Variants in SHROOM2 observed in about 807,000 individuals in gnomAD.
SHROOM2 encodes protein Shroom2.
Under a neutral mutation model 75.9 loss-of-function variants are expected in SHROOM2, and 33 were observed. That is an observed-to-expected ratio of 0.43 (90% confidence interval 0.33 to 0.58). SHROOM2 has a LOEUF of 0.58. Ranked by LOEUF, SHROOM2 falls within the 20% of genes least tolerant of loss-of-function variation. SHROOM2 has a pLI of 0.04. For synonymous variants in SHROOM2, 655 were observed against 663.6 expected (o/e 0.99, Z 0.20); for missense variants, 1,434 against 1,461.2 (o/e 0.98, Z 0.30).
At chrX:9,921,529 A>C (rs1288242457) in intron 5 of SHROOM2, among the ~76,000 whole-genome samples, 3 of 103,682 alleles carry the variant, frequency 2.9e-5, no homozygotes, top group Non-Finnish European at 5.9e-5. Flanking sequence ...CAGAATTATT[A>C]ACTACAGACG....
chrX:9,796,700 G>A (rs960291090), intron 1 of SHROOM2, among the ~76,000 whole-genome samples: 13 of 110,403 alleles, frequency 1.2e-4, no homozygotes, highest in Admixed American at 6.8e-4. Flanking sequence ...GCTGGAGTGC[G>A]GTGGTGTGAT....
At chrX:9,903,881 C>T (rs2084377656) in intron 5 of SHROOM2, among the ~76,000 whole-genome samples, 1 of 111,185 alleles carries the variant, frequency 9.0e-6, no homozygotes, top group Non-Finnish European at 1.9e-5. Flanking sequence ...ACAATTTCCC[C>T]TTACATTTAT....
chrX:9,944,552 T>C, intron 8 of SHROOM2, 89 bp from the exon 9 acceptor site: 4 of 968,954 alleles, frequency 4.1e-6, no homozygotes, highest in Non-Finnish European at 5.6e-6. Context: ...TTCACGTAGG[T>C]GCGCCAAGGT....
At chrX:9,788,751 T>C (rs753854543) in intron 1 of SHROOM2, among the ~76,000 whole-genome samples, 15 of 110,482 alleles carry the variant, frequency 1.4e-4, no homozygotes, top group African/African-American at 3.6e-4. Flanking sequence ...AGCCTTGGCA[T>C]TGGGGACTTT....
intron 2 of SHROOM2, among the ~76,000 whole-genome samples, chrX:9,887,252 T>G (rs1025269526): frequency 6.2e-5 from 7 of 112,798 alleles, no homozygotes; most frequent in African/African-American, 2.3e-4. Flanking sequence ...TACTTGGATT[T>G]AAGGAATCGG....
chrX:9,928,557 G>T (rs1334300526), intron 5 of SHROOM2, among the ~76,000 whole-genome samples: 6 of 111,442 alleles, frequency 5.4e-5, no homozygotes, highest in Non-Finnish European at 1.1e-4. Flanking sequence ...CTACACACAG[G>T]CACAACAGAG....
At chrX:9,875,252 G>A (rs1321470409) in intron 2 of SHROOM2, among the ~76,000 whole-genome samples, 1 of 108,535 alleles carries the variant, frequency 9.2e-6, no homozygotes, top group Admixed American at 1.0e-4. Context: ...TGAGCCATTG[G>A]GGAGGGTGGG....
intron 1 of SHROOM2, among the ~76,000 whole-genome samples, chrX:9,792,002 AAT>A: frequency 0.013 from 1 of 80 alleles, no homozygotes; most frequent in African/African-American, 0.028. Flanking sequence ...AATAGAATAG[AAT>A]AGAATAGAAT....
chrX:9,859,598 G>A (rs1325025840), intron 1 of SHROOM2, among the ~76,000 whole-genome samples: 1 of 111,644 alleles, frequency 9.0e-6, no homozygotes, highest in Non-Finnish European at 1.9e-5. Context: ...GGCGAGCTGG[G>A]CAGAGTGTGT....
Position 9,949,338 on chromosome X carries a change from C to T in SHROOM2, c.*2401C>T. 2 of 330,948 alleles carry T rather than the reference C, an allele frequency of 6.0e-6. No individual in the cohort carries two copies. The highest frequency in any genetic ancestry group is 1.2e-5 in the Non-Finnish European group (2 of 170,031). The allele number at this position is 330,948 out of a possible 1,213,427, so 27.3% of individuals were successfully genotyped here. A position where few individuals can be genotyped will look rare whatever the true frequency, so the allele number is the denominator to read the frequency against. The stretch of plus-strand genomic sequence containing the variant: ...GGCCTGTGGCTTGTATCCTTCAGTC[C>T]ACCACAGCAAATGTGTGTAGATTTC... On this transcript the variant is annotated 3_prime_UTR_variant, in exon 10 of 10. Coordinates refer to ENST00000380913, the MANE Select transcript of SHROOM2 (RefSeq NM_001649.4).
chrX:9,944,852 G>T lies in SHROOM2; in HGVS notation c.4523G>T (p.Arg1508Leu). The T allele has an allele frequency of 1.7e-6, 2 of 1,211,074 alleles. No homozygotes were observed. Among genetic ancestry groups the T allele is most frequent in the Non-Finnish European group, 2.2e-6 (2 of 894,978 alleles). The change falls in exon 9 of 10, where the codon CGC becomes CTC. Residue 1508 changes from arginine to leucine, a missense_variant. Around this residue, in one of 3 missense-constraint regions of SHROOM2, gnomAD observed 14 missense variants for 34.5 expected, o/e 0.41. Coordinates refer to ENST00000380913, the MANE Select transcript of SHROOM2 (RefSeq NM_001649.4). ...VVNLLLSLSG[R>L]LARVENALNN... is the part of the protein sequence containing the mutation. ...AACCTCCTGCTGTCGCTGTCAGGCC[G>T]CCTGGCCCGGGTGGAGAATGCCCTC...
chrX:9,808,871 A>C (rs138437026), intron 1 of SHROOM2, among the ~76,000 whole-genome samples: 2,266 of 110,777 alleles, frequency 0.02, 48 homozygotes, highest in African/African-American at 0.07. Context: ...CAAAAAAAAA[A>C]TAATAAAAAT....
At chrX:9,835,034 T>C (rs1252763937) in intron 1 of SHROOM2, among the ~76,000 whole-genome samples, 1 of 113,051 alleles carries the variant, frequency 8.8e-6, no homozygotes, top group Non-Finnish European at 1.9e-5. Context: ...TCATTGATTC[T>C]GATGTCCAGA....
rs1274028585 is a variant in SHROOM2 at position 9,946,930 on chromosome X, G to A, written c.4844G>A (p.Gly1615Asp). ...TTGGACAGCCTTCAGCCCGAAAGGG[G>A]CAAATAAGAGACCAGTCCCCGGTGG... The part of the protein sequence containing the change: ...CLLDSLQPER[G>D]K Residue 1615 changes from glycine to aspartate, a missense_variant, in exon 10 of 10, where the codon GGC becomes GAC. Physicochemically the swap from Gly to Asp is moderately conservative, Grantham distance 94. Coordinates refer to ENST00000380913, the MANE Select transcript of SHROOM2 (RefSeq NM_001649.4). 4 of 1,192,195 alleles carry A rather than the reference G, an allele frequency of 3.4e-6. No individual in the cohort carries two copies. The highest frequency in any genetic ancestry group is 2.3e-5 in the Admixed American group (1 of 43,646).
intron 1 of SHROOM2, among the ~76,000 whole-genome samples, chrX:9,816,945 T>C (rs780735982): frequency 9.0e-6 from 1 of 111,413 alleles, no homozygotes; most frequent in South Asian, 3.8e-4. Flanking sequence ...CATTGTAGGG[T>C]TTGTAAGGTT....
chrX:9,842,608 C>T (rs1164452284), intron 1 of SHROOM2, among the ~76,000 whole-genome samples: 2 of 112,278 alleles, frequency 1.8e-5, no homozygotes, highest in African/African-American at 6.5e-5. Flanking sequence ...ATGACACAAA[C>T]GTCTGTGGTT....
chrX:9,926,933 A>G (rs1270883545), intron 5 of SHROOM2, among the ~76,000 whole-genome samples: 1 of 110,801 alleles, frequency 9.0e-6, no homozygotes, highest in Non-Finnish European at 1.9e-5. Context: ...CGGAAGAGAG[A>G]TGTTTAACCC....
chrX:9,794,220 A>T (rs1305557069), intron 1 of SHROOM2, among the ~76,000 whole-genome samples: 1 of 111,628 alleles, frequency 9.0e-6, no homozygotes. Flanking sequence ...CTAACCACAA[A>T]CAACTCTGCG....
intron 2 of SHROOM2, among the ~76,000 whole-genome samples, chrX:9,887,085 T>C (rs1274196264): frequency 8.9e-6 from 1 of 112,465 alleles, no homozygotes; most frequent in Non-Finnish European, 1.9e-5. Flanking sequence ...CCTTATTCAT[T>C]TGCAACACTG....
Sources: allele counts gnomAD v4.1 joint callset (sites outside exome capture counted in the v4.1 genomes callset), GRCh38; gene constraint gnomAD v4.1.1; regional missense constraint gnomAD v4.1.1; transcripts MANE v1.5; gene names NCBI Gene and HGNC (gene_info 2026-07-23, HGNC 2026-07-21).